The following MARCHF11 variants were observed in gnomAD, a reference collection of about 807,000 sequenced individuals.
MARCHF11 encodes E3 ubiquitin-protein ligase MARCHF11.
MARCHF11 carries 29 observed loss-of-function variants against 37.3 expected under a neutral mutation model. The observed-to-expected ratio is 0.78, with a 90% CI of 0.58 to 1.06. MARCHF11 has a LOEUF of 1.06. Ranked by LOEUF, MARCHF11 falls within the 50% of genes least tolerant of loss-of-function variation. The probability of loss-of-function intolerance (pLI) is 0.00; values close to 1 mark genes in which losing one functional copy is unlikely to be tolerated. For missense variants in MARCHF11, 482 were observed against 533.4 expected, an observed-to-expected ratio of 0.90 and a Z score of 0.95; for synonymous variants, 233 against 228.0, an observed-to-expected ratio of 1.02 and a Z score of -0.20.
chr5:16,085,485 G>T (rs1736678697), intron 3 of MARCHF11, among the ~76,000 whole-genome samples: 1 of 150,006 alleles, frequency 6.7e-6, no homozygotes, highest in South Asian at 2.1e-4. Flanking sequence ...CTACTCGAAT[G>T]GTTAAGTGTA....
chr5:16,175,834 C>T (rs372793415), intron 2 of MARCHF11, among the ~76,000 whole-genome samples: 7 of 152,220 alleles, frequency 4.6e-5, no homozygotes, highest in Admixed American at 2.0e-4. Flanking sequence ...TTTGTTTCTA[C>T]GTATGATTTG....
chr5:16,177,722 T>C lies in MARCHF11; in HGVS notation c.693+4A>G. 6.3e-7 allele frequency: 1 copy of C among 1,598,690 alleles called. No homozygotes were observed. The highest frequency in any genetic ancestry group is 1.1e-5 in the South Asian group (1 of 87,720). ...CAGGAAAAATAAATGTTGAAACTGC[T>C]TACCTGGCAAGGTTGTTTCATTTTA... On this transcript the variant is annotated splice_donor_region_variant and intron_variant, in intron 2 of 3. Coordinates refer to ENST00000332432, the MANE Select transcript of MARCHF11 (RefSeq NM_001102562.3).
At chr5:16,085,574 G>A (rs1247848169) in intron 3 of MARCHF11, among the ~76,000 whole-genome samples, 2 of 126,192 alleles carry the variant, frequency 1.6e-5, no homozygotes, top group Middle Eastern at 3.8e-3. Flanking sequence ...GACCTCATAT[G>A]TATCGGTGGG....
chr5:16,104,599 A>G (rs1215896916), intron 2 of MARCHF11, among the ~76,000 whole-genome samples: 1 of 151,976 alleles, frequency 6.6e-6, no homozygotes, highest in African/African-American at 2.4e-5. Context: ...AAAATACTTG[A>G]AATACACTTA....
chr5:16,087,756 G>T (rs1736722446), intron 3 of MARCHF11, among the ~76,000 whole-genome samples: 1 of 152,148 alleles, frequency 6.6e-6, no homozygotes, highest in African/African-American at 2.4e-5. Flanking sequence ...AGAAGAAACT[G>T]TATTAATTAT....
intron 3 of MARCHF11, among the ~76,000 whole-genome samples, chr5:16,082,433 A>T (rs1736626821): frequency 6.6e-6 from 1 of 152,202 alleles, no homozygotes; most frequent in South Asian, 2.1e-4. Context: ...CTGTGTGAGT[A>T]ACAGACACCA....
chr5:16,177,652 T>C, intron 2 of MARCHF11, 74 bp downstream of exon 2: 1 of 1,252,844 alleles, frequency 8.0e-7, no homozygotes, highest in Non-Finnish European at 1.1e-6. Flanking sequence ...TAAATATCCT[T>C]AGTAATAACT....
intron 2 of MARCHF11, among the ~76,000 whole-genome samples, chr5:16,173,472 A>G (rs965127796): frequency 1.3e-5 from 2 of 152,204 alleles, no homozygotes; most frequent in African/African-American, 4.8e-5. Flanking sequence ...AAGGACATAA[A>G]TAAGACCTAC....
At chr5:16,146,561 A>C (rs1737798490) in intron 2 of MARCHF11, among the ~76,000 whole-genome samples, 1 of 152,134 alleles carries the variant, frequency 6.6e-6, no homozygotes, top group South Asian at 2.1e-4. Flanking sequence ...TACTCCTCCA[A>C]TTCTATGACC....
intron 2 of MARCHF11, among the ~76,000 whole-genome samples, chr5:16,157,355 A>G (rs1737994957): frequency 6.6e-6 from 1 of 152,006 alleles, no homozygotes; most frequent in Non-Finnish European, 1.5e-5. Context: ...TAAAATTTGT[A>G]TGGAACCATC....
intron 3 of MARCHF11, among the ~76,000 whole-genome samples, chr5:16,081,306 G>T (rs2126549703): frequency 6.6e-6 from 1 of 152,284 alleles, no homozygotes; most frequent in Non-Finnish European, 1.5e-5. Flanking sequence ...AATCTTTCAA[G>T]CTGTGCTAAC....
intron 2 of MARCHF11, among the ~76,000 whole-genome samples, chr5:16,156,601 A>T (rs1427666767): frequency 6.6e-6 from 1 of 151,834 alleles, no homozygotes; most frequent in Non-Finnish European, 1.5e-5. Flanking sequence ...TTCATTGGAT[A>T]TTGTCCCAGT....
chr5:16,135,428 A>G lies in MARCHF11; in HGVS notation c.693+42298T>C, dbSNP rs573982588. 6.6e-5 allele frequency among the ~76,000 whole-genome samples: 10 copies of G among 152,300 alleles called. No individual in the cohort carries two copies. The South Asian group carries it at 2.1e-3, about 32-fold the overall frequency. On this transcript the variant is annotated intron_variant, in intron 2 of 3. Coordinates refer to ENST00000332432, the MANE Select transcript of MARCHF11 (RefSeq NM_001102562.3). ...AAGAATTAAAGAATTTAAAAAATCAAAAAAACAAAATTGAATAATTAAACA... is the reference window on the plus strand; with the variant it reads ...AAGAATTAAAGAATTTAAAAAATCAGAAAAACAAAATTGAATAATTAAACA...
intron 2 of MARCHF11, among the ~76,000 whole-genome samples, chr5:16,122,576 A>G (rs1737329070): frequency 6.6e-6 from 1 of 152,228 alleles, no homozygotes; most frequent in African/African-American, 2.4e-5. Flanking sequence ...CTATCTTAAA[A>G]TAATGCTCAT....
intron 2 of MARCHF11, among the ~76,000 whole-genome samples, chr5:16,096,945 G>T (rs1032035372): frequency 6.6e-6 from 1 of 152,150 alleles, no homozygotes; most frequent in African/African-American, 2.4e-5. Context: ...ACCTGTTCAG[G>T]GTGCCTTAAA....
chr5:16,170,053 T>C (rs1738233098), intron 2 of MARCHF11, among the ~76,000 whole-genome samples: 1 of 152,128 alleles, frequency 6.6e-6, no homozygotes, highest in Admixed American at 6.6e-5. Flanking sequence ...TATTCACCGG[T>C]GGAAAATCAT....
At chr5:16,123,988 C>CA (rs142376757) in intron 2 of MARCHF11, among the ~76,000 whole-genome samples, 25 of 149,184 alleles carry the variant, frequency 1.7e-4, no homozygotes, top group East Asian at 3.9e-4. Context: ...TACCTTCCTC[C>CA]AAAAAAAAAC....
At chr5:16,167,851 T>C (rs1738196105) in intron 2 of MARCHF11, among the ~76,000 whole-genome samples, 1 of 152,204 alleles carries the variant, frequency 6.6e-6, no homozygotes, top group Middle Eastern at 3.4e-3. Flanking sequence ...TGCTATGTAG[T>C]AGTGGTTAAC....
intron 2 of MARCHF11, among the ~76,000 whole-genome samples, chr5:16,123,709 A>G (rs544142354): frequency 2.2e-4 from 34 of 151,666 alleles, no homozygotes; most frequent in Non-Finnish European, 4.1e-4. Flanking sequence ...GTATTCATAT[A>G]CTGCCTCATA....
Sources: allele counts gnomAD v4.1 joint callset (sites outside exome capture counted in the v4.1 genomes callset), GRCh38; gene constraint gnomAD v4.1.1; transcripts MANE v1.5; gene names NCBI Gene and HGNC (gene_info 2026-07-23, HGNC 2026-07-21).